RANBP2: variants seen among roughly 807,000 people sequenced by gnomAD.
RANBP2 encodes the protein E3 SUMO-protein ligase RanBP2.
Under a neutral mutation model 303.6 loss-of-function variants are expected in RANBP2, and 57 were observed. That is an observed-to-expected ratio of 0.19 (90% confidence interval 0.15 to 0.23). The LOEUF (loss-of-function observed/expected upper bound fraction) is 0.23. Ranked by LOEUF, RANBP2 falls within the 10% of genes least tolerant of loss-of-function variation. The pLI is 1.00. For missense variants in RANBP2, 3,138 were observed against 3,780.8 expected, an observed-to-expected ratio of 0.83 and a Z score of 4.46; for synonymous variants, 1,167 against 1,301.5, an observed-to-expected ratio of 0.90 and a Z score of 2.23.
At chr2:108,842,870 T>A in the RANBP2 span, among the ~76,000 whole-genome samples, 3 of 152,224 alleles carry the variant, frequency 2.0e-5, no homozygotes, top group Non-Finnish European at 4.4e-5. Context: ...ATTCAGTCTA[T>A]TGGTATGGTC....
chr2:109,377,479 C>CT, the RANBP2 span, among the ~76,000 whole-genome samples: 1 of 152,166 alleles, frequency 6.6e-6, no homozygotes, highest in African/African-American at 2.4e-5. Flanking sequence ...GATTCAGACT[C>CT]TGTGACGCCA....
At chr2:109,055,728 T>G in the RANBP2 span, among the ~76,000 whole-genome samples, 1 of 149,564 alleles carries the variant, frequency 6.7e-6, no homozygotes, top group Non-Finnish European at 1.5e-5. Flanking sequence ...TGTCGTAATG[T>G]CTTTTCAGGA....
chr2:109,133,825 T>C, the RANBP2 span, among the ~76,000 whole-genome samples: 1 of 151,992 alleles, frequency 6.6e-6, no homozygotes, highest in African/African-American at 2.4e-5. Context: ...TTAGCATAGT[T>C]GGGAATAAGG....
intron 7 of RANBP2, among the ~76,000 whole-genome samples, chr2:108,743,966 T>C (rs1558892512): frequency 6.6e-6 from 1 of 152,260 alleles, no homozygotes; most frequent in Non-Finnish European, 1.5e-5. Context: ...ATGTAGGTTA[T>C]GTGCTGGCAT....
chr2:108,773,426 G>T (rs1226245191), intron 23 of RANBP2, among the ~76,000 whole-genome samples: 1 of 152,060 alleles, frequency 6.6e-6, no homozygotes, highest in Non-Finnish European at 1.5e-5. Flanking sequence ...GGGTTTAAGG[G>T]TCTAGACTAA....
Position 108,765,142 on chromosome 2 carries a change from G to A in RANBP2, c.4603G>A (p.Gly1535Arg), listed in dbSNP as rs1677028249. ...AGAGACAAGTAAAACTCTAAAAAGT[G>A]GATTTGAAGACATGTTTGCTAAGAA... ...TSETSKTLKSGFEDMFAKKEG... is the reference protein window; with the variant it reads ...TSETSKTLKSRFEDMFAKKEG... The change falls in exon 20 of 29, where the codon GGA becomes AGA. Residue 1535 changes from glycine (G) to arginine (R), a missense_variant. Around this residue, in one of 20 missense-constraint regions of RANBP2, gnomAD observed 388 missense variants for 328.5 expected, o/e 1.18. Transcript: ENST00000283195. 2 of 1,614,150 alleles carry A rather than the reference G, an allele frequency of 1.2e-6. No individual in the cohort carries two copies. Among genetic ancestry groups the A allele is most frequent in the Non-Finnish European group, 1.7e-6 (2 of 1,180,002 alleles).
chr2:109,012,710 C>G, the RANBP2 span, among the ~76,000 whole-genome samples: 2 of 152,120 alleles, frequency 1.3e-5, no homozygotes, highest in East Asian at 3.9e-4. Flanking sequence ...GTCAGGAGAT[C>G]GAGACCATCC....
the RANBP2 span, among the ~76,000 whole-genome samples, chr2:109,534,521 T>C: frequency 6.6e-6 from 1 of 152,224 alleles, no homozygotes; most frequent in South Asian, 2.1e-4. Flanking sequence ...GGCTCACACC[T>C]GTAATCCCAG....
the RANBP2 span, among the ~76,000 whole-genome samples, chr2:109,171,794 G>A: frequency 9.8e-3 from 1,488 of 152,358 alleles, 19 homozygotes; most frequent in African/African-American, 0.034. Context: ...ACGCTCACTT[G>A]CAGCGGGGAG....
chr2:109,315,905 C>G, the RANBP2 span, among the ~76,000 whole-genome samples: 2 of 152,156 alleles, frequency 1.3e-5, no homozygotes, highest in Non-Finnish European at 2.9e-5. Flanking sequence ...CTGCGACCAG[C>G]ATAGGTCTGT....
At chr2:109,657,711 T>C in the RANBP2 span, among the ~76,000 whole-genome samples, 9 of 120,878 alleles carry the variant, frequency 7.4e-5, no homozygotes, top group African/African-American at 2.2e-4. Flanking sequence ...ATGAATTAGC[T>C]GAGTTTTTTT....
At chr2:109,088,807 C>T in the RANBP2 span, among the ~76,000 whole-genome samples, 1 of 152,260 alleles carries the variant, frequency 6.6e-6, no homozygotes, top group East Asian at 1.9e-4. Context: ...CCACCATGCC[C>T]GGCCAGTGCT....
At chr2:109,276,146 G>T in the RANBP2 span, among the ~76,000 whole-genome samples, 5 of 152,186 alleles carry the variant, frequency 3.3e-5, no homozygotes, top group Admixed American at 2.0e-4. Context: ...ACCCACGAGG[G>T]TTCGAGTTAG....
At chr2:109,313,918 C>T in the RANBP2 span, among the ~76,000 whole-genome samples, 1 of 152,090 alleles carries the variant, frequency 6.6e-6, no homozygotes, top group Non-Finnish European at 1.5e-5. Flanking sequence ...TGTTGGGACC[C>T]GTATGCAGGG....
At chr2:108,973,402 C>T in the RANBP2 span, among the ~76,000 whole-genome samples, 3 of 152,180 alleles carry the variant, frequency 2.0e-5, no homozygotes, top group Non-Finnish European at 2.9e-5. Flanking sequence ...CCGCCATCAG[C>T]CCCTGAGACC....
the RANBP2 span, among the ~76,000 whole-genome samples, chr2:109,299,480 A>G: frequency 5.9e-5 from 9 of 151,962 alleles, no homozygotes; most frequent in East Asian, 9.8e-4. Flanking sequence ...CTTTTGAAGC[A>G]GGGAGACCTC....
the RANBP2 span, among the ~76,000 whole-genome samples, chr2:109,684,870 T>TA: frequency 4.7e-5 from 7 of 150,488 alleles, no homozygotes; most frequent in African/African-American, 9.8e-5. Flanking sequence ...TAAATTAAAT[T>TA]AATTAATTAA....
chr2:109,374,857 C>T, the RANBP2 span, among the ~76,000 whole-genome samples: 2 of 152,178 alleles, frequency 1.3e-5, no homozygotes, highest in Non-Finnish European at 2.9e-5. Context: ...TTCCCATCAG[C>T]GCAGCTCAGG....
chr2:108,764,980 G>A lies in RANBP2; in HGVS notation c.4441G>A (p.Gly1481Arg). ...CAGATCTGTTTTTTCTACAAAGGAA[G>A]GACAGTGGGATTGCAGTGCATGTTT... ...DFRSVFSTKE[G>R]QWDCSACLVQ... The change falls in exon 20 of 29, where the codon GGA becomes AGA. Residue 1481 changes from glycine (G) to arginine (R), a missense_variant. Physicochemically the swap from Gly to Arg is moderately radical, Grantham distance 125. Transcript: ENST00000283195. The A allele has an allele frequency of 6.2e-7, 1 of 1,614,120 alleles. No homozygotes were observed. Among genetic ancestry groups the A allele is most frequent in the Non-Finnish European group, 8.5e-7 (1 of 1,179,980 alleles).
Sources: gnomAD v4.1 joint callset for allele counts (sites outside exome capture counted in the v4.1 genomes callset) on GRCh38, gnomAD v4.1.1 for gene constraint, gnomAD v4.1.1 regional missense constraint, MANE v1.5 for transcripts, NCBI Gene and HGNC (gene_info 2026-07-23, HGNC 2026-07-21) for gene names.